CYRIB: variants seen among roughly 807,000 people sequenced by gnomAD.
CYRIB encodes the protein CYFIP-related Rac1 interactor B.
CYRIB carries 8 observed loss-of-function variants against 44.2 expected under a neutral mutation model. That is an observed-to-expected ratio of 0.18 (90% CI 0.11 to 0.33). The LOEUF is 0.33. Ranked by LOEUF, CYRIB falls within the 10% of genes least tolerant of loss-of-function variation. CYRIB has a pLI of 1.00. For synonymous variants in CYRIB, 131 were observed against 127.2 expected (o/e 1.03, Z -0.20); for missense variants, 185 against 382.8 (o/e 0.48, Z 4.31).
At chr8:129,848,120 T>C (rs2041250842) in intron 10 of CYRIB, among the ~76,000 whole-genome samples, 1 of 152,132 alleles carries the variant, frequency 6.6e-6, no homozygotes, top group African/African-American at 2.4e-5. Context: ...AGCAATTCTA[T>C]TACTTGATCT....
At chr8:130,012,116 ACCT>A (rs2097236775) in intron 1 of CYRIB, among the ~76,000 whole-genome samples, 1 of 151,974 alleles carries the variant, frequency 6.6e-6, no homozygotes, top group South Asian at 2.1e-4. Flanking sequence ...CTTTAAGCAA[ACCT>A]CCTCATCAAC....
At chr8:129,981,117 TGA>T (rs2096221424) in intron 1 of CYRIB, among the ~76,000 whole-genome samples, 1 of 152,076 alleles carries the variant, frequency 6.6e-6, no homozygotes. Context: ...TCAGTTAAAC[TGA>T]GAGACAGAGT....
At chr8:129,932,400 C>T (rs911985331) in intron 1 of CYRIB, among the ~76,000 whole-genome samples, 2 of 152,092 alleles carry the variant, frequency 1.3e-5, no homozygotes, top group African/African-American at 2.4e-5. Context: ...ATGTATTCCT[C>T]CAGAGCAAAG....
At chr8:129,903,884 C>G (rs895881485) in intron 1 of CYRIB, among the ~76,000 whole-genome samples, 1 of 152,098 alleles carries the variant, frequency 6.6e-6, no homozygotes, top group Non-Finnish European at 1.5e-5. Context: ...AACCACAAAG[C>G]CCTCTCTAGG....
upstream of CYRIB, among the ~76,000 whole-genome samples, chr8:129,943,633 C>G (rs1458961954): frequency 2.9e-5 from 3 of 102,574 alleles, no homozygotes; most frequent in African/African-American, 3.8e-5. Flanking sequence ...GAGTCTCGCT[C>G]TGTGGCCCAG....
intron 2 of CYRIB, among the ~76,000 whole-genome samples, chr8:129,952,905 G>A (rs1438303618): frequency 6.6e-6 from 1 of 152,188 alleles, no homozygotes. Flanking sequence ...TCAATCCACA[G>A]AAGCTTTGGT....
chr8:129,933,900 A>T (rs896955692), intron 1 of CYRIB, among the ~76,000 whole-genome samples: 2 of 88,952 alleles, frequency 2.2e-5, no homozygotes, highest in African/African-American at 8.1e-5. Context: ...AAAAAAAAAG[A>T]AGAAGAAGAA....
chr8:129,958,396 C>A (rs977979007), intron 2 of CYRIB, among the ~76,000 whole-genome samples: 3 of 152,068 alleles, frequency 2.0e-5, no homozygotes, highest in Non-Finnish European at 4.4e-5. Context: ...CTGGAGAAAA[C>A]CAGAAAACCC....
chr8:130,005,241 T>G (rs1323021929), intron 1 of CYRIB, among the ~76,000 whole-genome samples: 2 of 152,178 alleles, frequency 1.3e-5, no homozygotes, highest in African/African-American at 4.8e-5. Context: ...GGGGCACGTG[T>G]CTGTCTGTTA....
At chr8:129,982,436 G>A (rs376956658) in intron 1 of CYRIB, among the ~76,000 whole-genome samples, 3 of 152,028 alleles carry the variant, frequency 2.0e-5, no homozygotes, top group Admixed American at 6.6e-5. Flanking sequence ...AGCCCCATGC[G>A]GCTAGTGGCT....
chr8:129,923,185 G>A (rs1237823602), intron 1 of CYRIB, among the ~76,000 whole-genome samples: 1 of 150,324 alleles, frequency 6.7e-6, no homozygotes, highest in Non-Finnish European at 1.5e-5. Flanking sequence ...AGAGGTTGTG[G>A]TGAGCCGATA....
intron 3 of CYRIB, among the ~76,000 whole-genome samples, chr8:129,876,709 TAGTCACCCAACTGCAGAGACATATTG>T (rs2133702476): frequency 6.7e-6 from 1 of 149,108 alleles, no homozygotes; most frequent in Admixed American, 6.6e-5. Context: ...ATTATTTCTG[TAGTCACCCAACTGCAGAGACATATTG>T]GGTCACCCAA....
intron 1 of CYRIB, among the ~76,000 whole-genome samples, chr8:129,937,320 T>C (rs2092994570): frequency 6.6e-6 from 1 of 152,220 alleles, no homozygotes; most frequent in African/African-American, 2.4e-5. Flanking sequence ...TTCTCACAGT[T>C]GAATGCATTA....
At chr8:129,893,869 A>G (rs1284476978) in intron 2 of CYRIB, among the ~76,000 whole-genome samples, 2 of 151,522 alleles carry the variant, frequency 1.3e-5, no homozygotes, top group Admixed American at 6.6e-5. Context: ...CTTGCCAAAC[A>G]TATTTTAAGA....
intron 2 of CYRIB, among the ~76,000 whole-genome samples, chr8:129,961,259 C>CATTCAG (rs2095246757): frequency 3.3e-5 from 5 of 152,310 alleles, no homozygotes; most frequent in Middle Eastern, 3.4e-3. Flanking sequence ...TTCAGCTAAC[C>CATTCAG]CTACTTCATT....
rs139985727 is a variant in CYRIB at position 129,902,546 on chromosome 8, T to C, written c.-11+766A>G. On this transcript the variant is annotated intron_variant, in intron 2 of 11. Transcript: ENST00000519824. ...TGTTTTTGTTTTTAGAGACAGGGTCTTGTTCTATCACCCAGGTTAAAGTGC... is the reference window on the plus strand; with the variant it reads ...TGTTTTTGTTTTTAGAGACAGGGTCCTGTTCTATCACCCAGGTTAAAGTGC... Among the ~76,000 whole-genome samples, 1,035 of 152,220 alleles carry C rather than the reference T, an allele frequency of 6.8e-3. 10 individuals carry two copies. Among genetic ancestry groups the C allele is most frequent in the Non-Finnish European group, 0.011 (776 of 68,012 alleles).
intron 1 of CYRIB, among the ~76,000 whole-genome samples, chr8:129,972,029 C>T (rs1255757368): frequency 6.6e-6 from 1 of 152,130 alleles, no homozygotes; most frequent in South Asian, 2.1e-4. Flanking sequence ...CTTTAGCTGC[C>T]TTAGTGTTTT....
chr8:129,973,097 C>T (rs769141582), intron 1 of CYRIB, among the ~76,000 whole-genome samples: 7 of 152,078 alleles, frequency 4.6e-5, no homozygotes, highest in Non-Finnish European at 8.8e-5. Context: ...TGAATTAAAC[C>T]GTCCCAGCCA....
intron 2 of CYRIB, among the ~76,000 whole-genome samples, chr8:129,893,547 T>C (rs2135094588): frequency 6.6e-6 from 1 of 152,266 alleles, no homozygotes; most frequent in African/African-American, 2.4e-5. Context: ...TAAAAAAAAA[T>C]ACTATTCACA....
Sources: allele counts gnomAD v4.1 joint callset (sites outside exome capture counted in the v4.1 genomes callset), GRCh38; gene constraint gnomAD v4.1.1; transcripts MANE v1.5; gene names NCBI Gene and HGNC (gene_info 2026-07-23, HGNC 2026-07-21).